DOK6: variants seen among roughly 807,000 people sequenced by gnomAD.
DOK6 encodes the protein docking protein 6, also known as downstream of tyrosine kinase 6.
A neutral mutation model predicts 44.0 loss-of-function variants in DOK6; 22 were observed. That is an observed-to-expected ratio of 0.50 (90% CI 0.36 to 0.71). The LOEUF (loss-of-function observed/expected upper bound fraction) is 0.71, where lower values mean the gene tolerates loss of function less well. Ranked by LOEUF, DOK6 falls within the 30% of genes least tolerant of loss-of-function variation. The pLI is 0.00. For missense variants in DOK6, 340 were observed against 416.4 expected (o/e 0.82, Z 1.60); for synonymous variants, 166 against 145.5 (o/e 1.14, Z -1.01).
At chr18:69,664,762 AG>A (rs1789490385) in intron 3 of DOK6, among the ~76,000 whole-genome samples, 1 of 152,196 alleles carries the variant, frequency 6.6e-6, no homozygotes, top group African/African-American at 2.4e-5. Context: ...CTGCATCCAA[AG>A]AGGAGAAAAT....
chr18:69,532,180 A>G (rs140024538), intron 1 of DOK6, among the ~76,000 whole-genome samples: 23 of 152,256 alleles, frequency 1.5e-4, no homozygotes, highest in African/African-American at 5.5e-4. Flanking sequence ...CACACAGTCT[A>G]TGGTGTTCTG....
chr18:69,628,003 T>G (rs369783470), intron 3 of DOK6, among the ~76,000 whole-genome samples: 3 of 152,210 alleles, frequency 2.0e-5, no homozygotes, highest in Admixed American at 2.0e-4. Context: ...TAAATGAATT[T>G]TATGCATAAT....
At chr18:69,586,629 AG>A (rs1415237659) in intron 2 of DOK6, among the ~76,000 whole-genome samples, 41 of 152,336 alleles carry the variant, frequency 2.7e-4, no homozygotes, top group African/African-American at 7.5e-4. Flanking sequence ...GAGAGGAGGT[AG>A]CCCCAGAGGG....
chr18:69,747,614 A>T (rs911486672), intron 6 of DOK6, among the ~76,000 whole-genome samples: 8 of 148,358 alleles, frequency 5.4e-5, no homozygotes, highest in Non-Finnish European at 1.2e-4. Context: ...CCCACAGAAG[A>T]TATCAGCATC....
chr18:69,510,424 T>G (rs566420592), intron 1 of DOK6, among the ~76,000 whole-genome samples: 390 of 152,272 alleles, frequency 2.6e-3, no homozygotes, highest in African/African-American at 8.8e-3. Flanking sequence ...TTTATTAACT[T>G]CTTTACTAAT....
At chr18:69,831,653 C>T (rs1981905369) in intron 7 of DOK6, among the ~76,000 whole-genome samples, 3 of 152,080 alleles carry the variant, frequency 2.0e-5, no homozygotes, top group African/African-American at 7.2e-5. Flanking sequence ...TGAATATGAG[C>T]CTGGACACCC....
chr18:69,602,978 C>G (rs983149911), intron 3 of DOK6, among the ~76,000 whole-genome samples: 2 of 152,110 alleles, frequency 1.3e-5, no homozygotes, highest in African/African-American at 4.8e-5. Context: ...AAATCATTGC[C>G]ACTGTTCAGT....
At chr18:69,678,319 T>C (rs1985970660) in intron 4 of DOK6, among the ~76,000 whole-genome samples, 1 of 152,156 alleles carries the variant, frequency 6.6e-6, no homozygotes, top group Non-Finnish European at 1.5e-5. Context: ...GTGTAACAAC[T>C]GGAGAAAATG....
chr18:69,840,801 G>A (rs778533261), intron 7 of DOK6, among the ~76,000 whole-genome samples: 4 of 152,166 alleles, frequency 2.6e-5, no homozygotes, highest in African/African-American at 4.8e-5. Context: ...CCTGTTCCCA[G>A]AGATTTTAAG....
chr18:69,746,534 G>A (rs528506553), intron 6 of DOK6, among the ~76,000 whole-genome samples: 8 of 152,234 alleles, frequency 5.3e-5, no homozygotes, highest in Admixed American at 2.0e-4. Context: ...AGGATTACAG[G>A]CATGAGCCAC....
chr18:69,725,122 T>C (rs1162148650), intron 5 of DOK6: 2 of 152,198 alleles, frequency 1.3e-5, no homozygotes, highest in Admixed American at 6.5e-5. Context: ...AAATATGAAA[T>C]AACTTCATTT....
chr18:69,649,306 T>C (rs1174437749), intron 3 of DOK6, among the ~76,000 whole-genome samples: 2 of 152,222 alleles, frequency 1.3e-5, no homozygotes, highest in Non-Finnish European at 2.9e-5. Context: ...AAGCTTCCTT[T>C]CTCAAAGAAA....
intron 3 of DOK6, among the ~76,000 whole-genome samples, chr18:69,609,483 C>CAAAA (rs147856604): frequency 0.47 from 68,104 of 145,432 alleles, 16,351 homozygotes; most frequent in South Asian, 0.55. Flanking sequence ...ATGGCTATTA[C>CAAAA]AAGAAATAAA....
At chr18:69,569,868 G>T (rs1983072432) in intron 2 of DOK6, among the ~76,000 whole-genome samples, 1 of 152,016 alleles carries the variant, frequency 6.6e-6, no homozygotes, top group Admixed American at 6.6e-5. Context: ...ATGTGGCCAT[G>T]AAAAAAGAAC....
At chr18:69,807,645 T>C (rs931525405) in intron 7 of DOK6, among the ~76,000 whole-genome samples, 19 of 151,894 alleles carry the variant, frequency 1.3e-4, no homozygotes, top group African/African-American at 4.6e-4. Flanking sequence ...GGGGTAGCTA[T>C]ACATGTATCA....
intron 7 of DOK6, among the ~76,000 whole-genome samples, chr18:69,835,268 T>C (rs1599351924): frequency 6.6e-6 from 1 of 152,016 alleles, no homozygotes; most frequent in South Asian, 2.1e-4. Context: ...CAAGACCATC[T>C]TGGCTAACAC....
intron 1 of DOK6, among the ~76,000 whole-genome samples, chr18:69,414,815 A>AATTAGAAAATGTAAGAAGG (rs1978321622): frequency 6.6e-6 from 1 of 152,048 alleles, no homozygotes; most frequent in African/African-American, 2.4e-5. Context: ...ATTAAAAGCT[A>AATTAGAAAATGTAAGAAGG]ATTAGAAAAT....
chr18:69,759,541 G>C (rs983616566), intron 7 of DOK6, among the ~76,000 whole-genome samples: 9 of 151,958 alleles, frequency 5.9e-5, no homozygotes, highest in Non-Finnish European at 1.0e-4. Context: ...TATAATTCCA[G>C]AAAATAAAAA....
chr18:69,741,753 T>G (rs1048490894), intron 6 of DOK6, among the ~76,000 whole-genome samples: 3 of 152,162 alleles, frequency 2.0e-5, no homozygotes, highest in African/African-American at 7.2e-5. Context: ...TTCCTTGGTC[T>G]CCCAAAGTGC....
Sources: allele counts gnomAD v4.1 joint callset (sites outside exome capture counted in the v4.1 genomes callset), GRCh38; gene constraint gnomAD v4.1.1; transcripts MANE v1.5; gene names NCBI Gene and HGNC (gene_info 2026-07-23, HGNC 2026-07-21).